Variants in KHDRBS3 observed in about 807,000 individuals in gnomAD.
KHDRBS3 encodes the protein KH domain-containing, RNA-binding, signal transduction-associated protein 3.
In KHDRBS3, 23 loss-of-function variants were observed where a neutral mutation model predicts 45.6. The observed-to-expected ratio is 0.50, with a 90% CI of 0.36 to 0.72. The LOEUF is 0.72. Among genes scored for constraint, KHDRBS3 ranks in the 30% least tolerant of loss-of-function variants. KHDRBS3 has a pLI of 0.00. For synonymous variants in KHDRBS3, 162 were observed against 156.5 expected (o/e 1.04, Z -0.26); for missense variants, 352 against 424.8 (o/e 0.83, Z 1.51).
At chr8:135,463,337 A>G (rs1821527430) in intron 1 of KHDRBS3, among the ~76,000 whole-genome samples, 1 of 152,158 alleles carries the variant, frequency 6.6e-6, no homozygotes, top group African/African-American at 2.4e-5. Context: ...TGCTTCTTAC[A>G]GCTTTAGAGG....
chr8:135,574,143 G>GTTAGCACGTCACCTCCATCA (rs1827838712), intron 5 of KHDRBS3, among the ~76,000 whole-genome samples: 1 of 77,996 alleles, frequency 1.3e-5, no homozygotes, highest in Admixed American at 1.6e-4. Context: ...CAGGATTCTT[G>GTTAGCACGTCACCTCCATCA]TGTTAGCACG....
intron 7 of KHDRBS3, among the ~76,000 whole-genome samples, chr8:135,626,448 C>T (rs1048070787): frequency 8.5e-5 from 13 of 152,204 alleles, no homozygotes; most frequent in Non-Finnish European, 1.9e-4. Flanking sequence ...CTGTGAGCTG[C>T]ACGCCTGGCC....
At position 135,618,465 on chromosome 8, in the gene KHDRBS3, TG is replaced by T. The variant is rs543913986; in HGVS notation, c.890+11430del. On this transcript the variant is annotated intron_variant, in intron 7 of 8. Transcript: ENST00000355849. ...ATTACATTAATAATTGATATAAAAA[TG>T]GTTTACATACTAATAAGTCATTATA... Among the ~76,000 whole-genome samples the T allele has an allele frequency of 3.9e-5, 6 of 152,350 alleles. No individual in the cohort carries two copies. The South Asian group carries it at 1.0e-3, about 26-fold the overall frequency.
intron 2 of KHDRBS3, among the ~76,000 whole-genome samples, chr8:135,536,494 C>T (rs1425496130): frequency 6.6e-6 from 1 of 151,906 alleles, no homozygotes; most frequent in African/African-American, 2.4e-5. Context: ...ACAGTCACAT[C>T]GTTGTATTTT....
At chr8:135,608,502 A>G (rs1028999799) in intron 7 of KHDRBS3, among the ~76,000 whole-genome samples, 1 of 152,180 alleles carries the variant, frequency 6.6e-6, no homozygotes, top group African/African-American at 2.4e-5. Flanking sequence ...ATTGCTGTAG[A>G]TGAGGAGATC....
intron 1 of KHDRBS3, among the ~76,000 whole-genome samples, chr8:135,486,159 CA>C (rs991055647): frequency 6.6e-6 from 1 of 151,982 alleles, no homozygotes; most frequent in Non-Finnish European, 1.5e-5. Flanking sequence ...GTCAGTGAGA[CA>C]GGGGGTGATG....
chr8:135,564,720 C>A (rs1827321525), intron 5 of KHDRBS3, among the ~76,000 whole-genome samples: 1 of 152,110 alleles, frequency 6.6e-6, no homozygotes, highest in Admixed American at 6.6e-5. Flanking sequence ...TATTTTGAAG[C>A]CAATCCGATG....
intron 1 of KHDRBS3, among the ~76,000 whole-genome samples, chr8:135,497,336 G>A (rs1461365861): frequency 1.3e-5 from 2 of 152,198 alleles, no homozygotes; most frequent in Admixed American, 6.5e-5. Context: ...GTTTAGAGGA[G>A]TATTTCCGAC....
intron 7 of KHDRBS3, among the ~76,000 whole-genome samples, chr8:135,612,692 G>A (rs1829754151): frequency 2.0e-5 from 3 of 151,764 alleles, no homozygotes; most frequent in Admixed American, 2.0e-4. Context: ...CCTCCTTTTA[G>A]AGTACAAAGC....
intron 1 of KHDRBS3, among the ~76,000 whole-genome samples, chr8:135,520,408 A>C (rs1563739350): frequency 6.6e-6 from 1 of 152,210 alleles, no homozygotes; most frequent in Non-Finnish European, 1.5e-5. Flanking sequence ...TTTTATGCTA[A>C]AATTTTCTAG....
At chr8:135,638,892 C>T (rs1023032912) in intron 7 of KHDRBS3, among the ~76,000 whole-genome samples, 20 of 147,830 alleles carry the variant, frequency 1.4e-4, no homozygotes, top group Non-Finnish European at 2.2e-4. Context: ...ACCTGGGAGG[C>T]GGAGGTTGCA....
intron 1 of KHDRBS3, among the ~76,000 whole-genome samples, chr8:135,467,877 T>C (rs1337784717): frequency 6.6e-6 from 1 of 152,224 alleles, no homozygotes; most frequent in Non-Finnish European, 1.5e-5. Flanking sequence ...AAACTCTCCC[T>C]CACATCTTTT....
At chr8:135,593,297 G>C (rs899335895) in intron 6 of KHDRBS3, 1 of 152,058 alleles carries the variant, frequency 6.6e-6, no homozygotes, top group African/African-American at 2.4e-5. Flanking sequence ...CCCCCACTTT[G>C]AATTCTTTCA....
At chr8:135,595,715 T>G (rs1330292614) in intron 6 of KHDRBS3, among the ~76,000 whole-genome samples, 3 of 152,186 alleles carry the variant, frequency 2.0e-5, no homozygotes, top group Admixed American at 2.0e-4. Context: ...TGGCACATCA[T>G]TCCAAGAGGG....
intron 1 of KHDRBS3, among the ~76,000 whole-genome samples, chr8:135,479,369 T>G (rs1274263043): frequency 1.3e-5 from 2 of 152,194 alleles, no homozygotes; most frequent in Middle Eastern, 3.2e-3. Flanking sequence ...CTAGCAAACA[T>G]GTAAGGCAAA....
intron 7 of KHDRBS3, among the ~76,000 whole-genome samples, chr8:135,631,206 G>A (rs929659310): frequency 5.2e-4 from 71 of 136,448 alleles, no homozygotes; most frequent in African/African-American, 1.8e-3. Context: ...AGCTGAGATC[G>A]CGACACTGCA....
At chr8:135,512,873 A>T (rs1824373826) in intron 1 of KHDRBS3, among the ~76,000 whole-genome samples, 1 of 152,192 alleles carries the variant, frequency 6.6e-6, no homozygotes, top group Admixed American at 6.5e-5. Context: ...ATTGTGAAGG[A>T]TATTATCAAT....
rs76462996 is a variant in KHDRBS3, at chr8:135,491,124, G to A, written c.89-30113G>A. Among the ~76,000 whole-genome samples, 210 of 152,028 alleles carry A rather than the reference G, an allele frequency of 1.4e-3. 5 individuals are homozygous for A. In the East Asian group the frequency reaches 0.037, roughly 27 times the overall value. On this transcript the variant is annotated intron_variant, in intron 1 of 8. Transcript: ENST00000355849. ...TTCTGCATTGATGCTTTCTTATTTT[G>A]TACTGATGGTATTGCTCTCCTCTGC...
chr8:135,494,270 CTTA>C (rs1823305131), intron 1 of KHDRBS3, among the ~76,000 whole-genome samples: 1 of 118,768 alleles, frequency 8.4e-6, no homozygotes, highest in African/African-American at 3.6e-5. Context: ...TTCTGTTTCT[CTTA>C]TTTTTTTTTT....
Sources: allele counts gnomAD v4.1 joint callset (sites outside exome capture counted in the v4.1 genomes callset), GRCh38; gene constraint gnomAD v4.1.1; transcripts MANE v1.5; gene names NCBI Gene and HGNC (gene_info 2026-07-23, HGNC 2026-07-21).